Variants in PIEZO2 observed in about 807,000 individuals in gnomAD.
PIEZO2 encodes the protein piezo type mechanosensitive ion channel component 2, also known as piezo-type mechanosensitive ion channel component 2.
A neutral mutation model predicts 337.3 loss-of-function variants in PIEZO2; 172 were observed. That is an observed-to-expected ratio of 0.51 (90% CI 0.45 to 0.58). The LOEUF is 0.58. Among genes scored for constraint, PIEZO2 ranks in the 20% least tolerant of loss-of-function variants. The probability of loss-of-function intolerance (pLI) is 0.00; values close to 1 mark genes in which losing one functional copy is unlikely to be tolerated. For missense variants in PIEZO2, 3,028 were observed against 3,391.3 expected (o/e 0.89, Z 2.66); for synonymous variants, 1,251 against 1,228.5 (o/e 1.02, Z -0.38).
At chr18:10,699,759 CA>C (rs2035256521) in intron 43 of PIEZO2, among the ~76,000 whole-genome samples, 1 of 152,186 alleles carries the variant, frequency 6.6e-6, no homozygotes, top group Non-Finnish European at 1.5e-5. Context: ...TAGCTTTTGG[CA>C]GATGGACTAA....
In PIEZO2 at chr18:10,895,357, A is replaced by T. The variant is rs2042869571; in HGVS notation, c.329+15829T>A. On this transcript the variant is annotated intron_variant, in intron 4 of 55. Coordinates refer to ENST00000674853, the MANE Select transcript of PIEZO2 (RefSeq NM_001378183.1). The surrounding 1 kb of genome is among the most constrained non-coding windows in gnomAD (Gnocchi z 4.8). The stretch of plus-strand genomic sequence containing the variant: ...GCTACTCGGGAGGCTGAGGCAGGAG[A>T]ATCGCTTGAACCTGGGTGGCAGAGG... Among the ~76,000 whole-genome samples, 1 of 151,960 alleles carries T rather than the reference A, an allele frequency of 6.6e-6. No individual in the cohort carries two copies. Among genetic ancestry groups the T allele is most frequent in the Non-Finnish European group, 1.5e-5 (1 of 67,956 alleles).
chr18:10,760,186 C>G (rs915856738), intron 24 of PIEZO2, among the ~76,000 whole-genome samples: 1 of 152,226 alleles, frequency 6.6e-6, no homozygotes, highest in Non-Finnish European at 1.5e-5. Flanking sequence ...TGAAACATCA[C>G]CATTCCTACT....
rs899037322 is a variant in PIEZO2, at chr18:10,854,509, A to G, written c.917+844T>C. Among the ~76,000 whole-genome samples the G allele has an allele frequency of 3.9e-5, 6 of 152,142 alleles. No individual in the cohort carries two copies. Among genetic ancestry groups the G allele is most frequent in the Non-Finnish European group, 7.4e-5 (5 of 68,022 alleles). ...TATTCCTTTGCCCTGTCATTATCTA[A>G]CATCATCCTGCATGGAGGAATTTTC... On this transcript the variant is annotated intron_variant, in intron 7 of 55. Transcript: ENST00000674853. This position sits in a 1 kb window ranked among gnomAD's most constrained non-coding sequence, Gnocchi z 4.6.
chr18:10,867,745 T>C (rs2042042950), intron 5 of PIEZO2, among the ~76,000 whole-genome samples: 1 of 152,218 alleles, frequency 6.6e-6, no homozygotes, highest in Non-Finnish European at 1.5e-5. Context: ...GGTGAAATGA[T>C]ATATTGTTTT....
At position 10,979,393 on chromosome 18, in the gene PIEZO2, T is replaced by C. The variant is rs961306537; in HGVS notation, c.286+142A>G. 2.2e-6 allele frequency: 2 copies of C among 896,342 alleles called. No homozygotes were observed. Among genetic ancestry groups the C allele is most frequent in the Non-Finnish European group, 3.0e-6 (2 of 657,230 alleles). The allele number at this position is 896,342 out of a possible 1,614,324, so 55.5% of individuals were successfully genotyped here. The stretch of plus-strand genomic sequence containing the variant: ...CTTCTTTATATATATTTACACTGCA[T>C]TGCCAAAGACCAAAAATTTCCATGA... On this transcript the variant is annotated intron_variant, in intron 3 of 55. Transcript: ENST00000674853. This position sits in a 1 kb window ranked among gnomAD's most constrained non-coding sequence, Gnocchi z 4.0.
At chr18:10,822,271 A>G (rs1182272038) in intron 7 of PIEZO2, among the ~76,000 whole-genome samples, 1 of 152,220 alleles carries the variant, frequency 6.6e-6, no homozygotes, top group Non-Finnish European at 1.5e-5. Flanking sequence ...AATATTGTCA[A>G]TCATCTCTTG....
intron 4 of PIEZO2, among the ~76,000 whole-genome samples, chr18:10,902,767 C>A (rs1451156133): frequency 1.3e-5 from 2 of 151,994 alleles, no homozygotes; most frequent in African/African-American, 4.8e-5. Flanking sequence ...AAGTGCAGAC[C>A]CTGAACAGAG....
rs2037386314 is a variant in PIEZO2 at position 11,048,119 on chromosome 18, T to C, written c.160+18008A>G. On this transcript the variant is annotated intron_variant, in intron 2 of 55. Coordinates refer to ENST00000674853, the MANE Select transcript of PIEZO2 (RefSeq NM_001378183.1). This position sits in a 1 kb window ranked among gnomAD's most constrained non-coding sequence, Gnocchi z 4.5. ...GCCACCAACAGCATGTGACACCTCT[T>C]CAAGCCTGAAAGCCCCTGCTCCTGA... Among the ~76,000 whole-genome samples the C allele has an allele frequency of 6.6e-6, 1 of 152,192 alleles. No homozygotes were observed. Among genetic ancestry groups the C allele is most frequent in the Non-Finnish European group, 1.5e-5 (1 of 68,040 alleles).
chr18:10,993,629 C>G lies in PIEZO2; in HGVS notation c.161-13969G>C, dbSNP rs1188785155. On this transcript the variant is annotated intron_variant, in intron 2 of 55. Transcript: ENST00000674853. The surrounding 1 kb of genome is among the most constrained non-coding windows in gnomAD (Gnocchi z 5.0). The stretch of plus-strand genomic sequence containing the variant: ...GCAACCTCCGCCTCCCGGGTTAACG[C>G]CATTCTCCTGCCTCAGCCTCCTGAG... Among the ~76,000 whole-genome samples the G allele has an allele frequency of 1.3e-5, 2 of 152,098 alleles. No individual in the cohort carries two copies. The highest frequency in any genetic ancestry group is 2.4e-5 in the African/African-American group (1 of 41,422).
rs576946483 is a variant in PIEZO2, at chr18:10,671,438, G to C, written c.*89C>G. Reference sequence around the variant, plus strand: ...AGAAGAGAAACAAACCATTTCCGTCGAACTAGAAATGCTTAGCTCTTATGA... The same window carrying C: ...AGAAGAGAAACAAACCATTTCCGTCCAACTAGAAATGCTTAGCTCTTATGA... On this transcript the variant is annotated 3_prime_UTR_variant, in exon 56 of 56. Transcript: ENST00000674853. 3.3e-5 allele frequency: 45 copies of C among 1,352,578 alleles called. No individual in the cohort carries two copies. Among genetic ancestry groups the C allele is most frequent in the Non-Finnish European group, 4.1e-5 (41 of 1,008,104 alleles). The allele number at this position is 1,352,578 out of a possible 1,614,324, so 83.8% of individuals were successfully genotyped here.
At chr18:10,992,298 C>A (rs2035140816) in intron 2 of PIEZO2, among the ~76,000 whole-genome samples, 1 of 152,202 alleles carries the variant, frequency 6.6e-6, no homozygotes. Flanking sequence ...GGCATAAAAT[C>A]TTTGCCCATG....
intron 1 of PIEZO2, among the ~76,000 whole-genome samples, chr18:11,088,489 T>C (rs947362282): frequency 1.7e-4 from 26 of 152,200 alleles, no homozygotes; most frequent in Admixed American, 1.1e-3. Flanking sequence ...TCTGATTGAA[T>C]TGTATTGATC....
At chr18:10,711,667 G>A (rs1366580028) in intron 39 of PIEZO2, among the ~76,000 whole-genome samples, 2 of 152,082 alleles carry the variant, frequency 1.3e-5, no homozygotes, top group Non-Finnish European at 2.9e-5. Flanking sequence ...GTTAAAAAAA[G>A]GCATTTGAAA....
At chr18:10,674,176 G>A (rs1301331142) in intron 54 of PIEZO2, among the ~76,000 whole-genome samples, 4 of 152,188 alleles carry the variant, frequency 2.6e-5, no homozygotes, top group African/African-American at 9.7e-5. Flanking sequence ...GAACACACAG[G>A]AACAGGAAGA....
chr18:10,822,788 C>G (rs1421295027), intron 7 of PIEZO2, among the ~76,000 whole-genome samples: 2 of 152,118 alleles, frequency 1.3e-5, no homozygotes, highest in African/African-American at 4.8e-5. Flanking sequence ...TGCCAAGTTT[C>G]TAAAAGGGAG....
rs1228829495 is a variant in PIEZO2, at chr18:11,126,290, G to A, written c.64+22235C>T. Among the ~76,000 whole-genome samples the A allele has an allele frequency of 6.6e-6, 1 of 152,152 alleles. No individual in the cohort carries two copies. Among genetic ancestry groups the A allele is most frequent in the Non-Finnish European group, 1.5e-5 (1 of 68,044 alleles). On this transcript the variant is annotated intron_variant, in intron 1 of 55. Coordinates refer to ENST00000674853, the MANE Select transcript of PIEZO2 (RefSeq NM_001378183.1). The surrounding 1 kb of genome is among the most constrained non-coding windows in gnomAD (Gnocchi z 4.6). ...TTTTCCAGAAATCGGTTTTGGTGGT[G>A]AGGAATGATCTGTTATTTGCCCAGC...
In PIEZO2 at chr18:10,873,009, G is replaced by C. The variant is rs552403697; in HGVS notation, c.330-1594C>G. On this transcript the variant is annotated intron_variant, in intron 4 of 55. Transcript: ENST00000674853. ...CAGAGATACAACTTACTTAGGGAAA[G>C]GAAGCAAAAGATAGGGCAATATACC... 1.9e-4 allele frequency among the ~76,000 whole-genome samples: 29 copies of C among 152,076 alleles called. No homozygotes were observed. The South Asian group carries it at 3.5e-3, about 18-fold the overall frequency.
chr18:11,055,382 A>G (rs192478668), intron 2 of PIEZO2, among the ~76,000 whole-genome samples: 1 of 152,308 alleles, frequency 6.6e-6, no homozygotes, highest in Non-Finnish European at 1.5e-5. Flanking sequence ...AAAGGTATAA[A>G]TACCAAGAAA....
chr18:11,110,916 C>G lies in PIEZO2; in HGVS notation c.64+37609G>C, dbSNP rs1178040698. 6.6e-6 allele frequency among the ~76,000 whole-genome samples: 1 copy of G among 152,176 alleles called. No homozygotes were observed. The highest frequency in any genetic ancestry group is 1.5e-5 in the Non-Finnish European group (1 of 68,036). Reference sequence around the variant, plus strand: ...GTCTGCTCCACACACGAGGTGAGGCCAGGATGCTGTGCCCCGCAAGCTCCC... The same window carrying G: ...GTCTGCTCCACACACGAGGTGAGGCGAGGATGCTGTGCCCCGCAAGCTCCC... On this transcript the variant is annotated intron_variant, in intron 1 of 55. Transcript: ENST00000674853. This position sits in a 1 kb window ranked among gnomAD's most constrained non-coding sequence, Gnocchi z 4.2.
Sources: allele counts gnomAD v4.1 joint callset (sites outside exome capture counted in the v4.1 genomes callset), GRCh38; gene constraint gnomAD v4.1.1; non-coding constraint Gnocchi (gnomAD v3.1); transcripts MANE v1.5; gene names NCBI Gene and HGNC (gene_info 2026-07-23, HGNC 2026-07-21).